ZPLD1: variants seen among roughly 807,000 people sequenced by gnomAD.
ZPLD1 encodes the protein zona pellucida like domain containing 1, also known as zona pellucida-like domain-containing protein 1.
ZPLD1 carries 34 observed loss-of-function variants against 47.2 expected under a neutral mutation model. The observed-to-expected ratio is 0.72, with a 90% CI of 0.55 to 0.96. The LOEUF (loss-of-function observed/expected upper bound fraction) is 0.96. ZPLD1 is among the 40% of genes least tolerant of loss of function. The pLI is 0.00. For synonymous variants in ZPLD1, 176 were observed against 186.2 expected (o/e 0.95, Z 0.45); for missense variants, 512 against 505.8 (o/e 1.01, Z -0.12).
At chr3:102,441,095 C>A (rs1576149214) in intron 3 of ZPLD1, among the ~76,000 whole-genome samples, 1 of 152,040 alleles carries the variant, frequency 6.6e-6, no homozygotes, top group African/African-American at 2.4e-5. Context: ...TCGCTGGCGG[C>A]CTGGGAAGGG....
rs535210093 is a variant in ZPLD1, at chr3:102,418,749, T to C, written c.-9+542T>C. On this transcript the variant is annotated intron_variant, in intron 8 of 17. Transcript: ENST00000491959. Reference sequence around the variant, plus strand: ...TGTGTGGCATCATCTCTAATTACAATGATGATATGATAATTGAAAATAATT... The same window carrying C: ...TGTGTGGCATCATCTCTAATTACAACGATGATATGATAATTGAAAATAATT... Among the ~76,000 whole-genome samples, 61 of 152,124 alleles carry C rather than the reference T, an allele frequency of 4.0e-4. No homozygotes were observed. In the South Asian group the frequency reaches 0.012, roughly 31 times the overall value.
rs143962903 is a variant in ZPLD1 at position 102,423,461 on chromosome 3, G to A, written c.-9+5254G>A. Among the ~76,000 whole-genome samples, 74 of 152,024 alleles carry A rather than the reference G, an allele frequency of 4.9e-4. 3 individuals carry two copies. In the East Asian group the frequency reaches 0.013, roughly 27 times the overall value. ...AGTAATTCAAATTAGCAGTTAGGAT[G>A]CAGACCATTATATTATCTTAACTCA... On this transcript the variant is annotated intron_variant, in intron 8 of 17. Transcript: ENST00000491959.
At chr3:102,400,426 A>G (rs1036360727) in intron 7 of ZPLD1, among the ~76,000 whole-genome samples, 5 of 152,004 alleles carry the variant, frequency 3.3e-5, no homozygotes, top group Non-Finnish European at 7.4e-5. Context: ...CGCACATTGG[A>G]AAGTCTGAGC....
At chr3:102,464,946 G>A (rs1707568682) in intron 8 of ZPLD1, among the ~76,000 whole-genome samples, 1 of 152,126 alleles carries the variant, frequency 6.6e-6, no homozygotes, top group African/African-American at 2.4e-5. Flanking sequence ...TCAGCTCACT[G>A]CAGCTAATTG....
Position 102,452,961 on chromosome 3 carries a change from C to G in ZPLD1, c.149C>G (p.Thr50Arg), listed in dbSNP as rs551852767. ...GTCTATTGTGGAGTGCAGGCTATTA[C>G]GATGAAGATTAATTTTTGCACGGTA... Reference protein sequence around the residue: ...ISVYCGVQAITMKINFCTVLF... With the variant: ...ISVYCGVQAIRMKINFCTVLF... Residue 50 changes from threonine (T) to arginine (R), a missense_variant, in exon 4 of 12, where the codon ACG becomes AGG. Thr to Arg is a moderately conservative substitution (Grantham distance 71). Transcript: ENST00000466937. 1 of 1,614,032 alleles carries G rather than the reference C, an allele frequency of 6.2e-7. No homozygotes were observed. The highest frequency in any genetic ancestry group is 1.3e-5 in the African/African-American group (1 of 75,008).
intron 8 of ZPLD1, among the ~76,000 whole-genome samples, chr3:102,464,783 T>G (rs762769940): frequency 2.6e-5 from 4 of 152,208 alleles, no homozygotes; most frequent in Admixed American, 2.6e-4. Context: ...GACAGTGATA[T>G]AGAGTGAATG....
intron 7 of ZPLD1, among the ~76,000 whole-genome samples, chr3:102,410,106 C>A (rs2107298331): frequency 6.6e-6 from 1 of 151,766 alleles, no homozygotes; most frequent in East Asian, 2.0e-4. Context: ...CATATTTGAT[C>A]AATTGGAGAG....
intron 3 of ZPLD1, among the ~76,000 whole-genome samples, chr3:102,442,134 T>C (rs976586874): frequency 5.3e-5 from 8 of 152,202 alleles, no homozygotes; most frequent in Admixed American, 2.0e-4. Flanking sequence ...AAAGTACTTC[T>C]AATTACAAGT....
chr3:102,469,408 C>A (rs1191532008), intron 9 of ZPLD1, among the ~76,000 whole-genome samples: 3 of 152,078 alleles, frequency 2.0e-5, no homozygotes, highest in Non-Finnish European at 2.9e-5. Flanking sequence ...GAAATCAAGA[C>A]AAAAATCTTA....
At chr3:102,402,482 T>C (rs1706633235) in intron 7 of ZPLD1, among the ~76,000 whole-genome samples, 2 of 152,040 alleles carry the variant, frequency 1.3e-5, no homozygotes, top group Non-Finnish European at 2.9e-5. Flanking sequence ...GTACAGAGTA[T>C]TTTTAATCTG....
At chr3:102,401,221 T>G (rs1167924648) in intron 7 of ZPLD1, among the ~76,000 whole-genome samples, 1 of 152,060 alleles carries the variant, frequency 6.6e-6, no homozygotes, top group Admixed American at 6.6e-5. Flanking sequence ...CAGAGAGATC[T>G]CTTTCTCTCT....
rs1224691188 is a variant in ZPLD1 at position 102,386,287 on chromosome 3, CTTTT to C, written c.-213+984_-213+987del. 3.2e-5 allele frequency among the ~76,000 whole-genome samples: 4 copies of C among 125,974 alleles called. No individual in the cohort carries two copies. In the East Asian group the frequency reaches 7.0e-4, roughly 22 times the overall value. The allele number at this position is 125,974 out of a possible 152,430, so 82.6% of individuals were successfully genotyped here. On this transcript the variant is annotated intron_variant, in intron 6 of 17. Transcript: ENST00000491959. ...CCCAGAAAATTGATGTAAGTGGGGT[CTTTT>C]TTTTTTTTTTTTTCCAAATACAGGT...
At chr3:102,415,124 C>T (rs917333326) in intron 7 of ZPLD1, among the ~76,000 whole-genome samples, 1 of 151,812 alleles carries the variant, frequency 6.6e-6, no homozygotes, top group Non-Finnish European at 1.5e-5. Flanking sequence ...AATTCGTCTA[C>T]AATGCTATGT....
intron 8 of ZPLD1, among the ~76,000 whole-genome samples, chr3:102,427,508 G>A (rs1706962741): frequency 6.6e-6 from 1 of 152,156 alleles, no homozygotes; most frequent in Non-Finnish European, 1.5e-5. Context: ...GAATAGTAAA[G>A]CCTACATTCT....
chr3:102,470,626 T>C (rs929953877), intron 10 of ZPLD1, 124 bp downstream of exon 10: 2 of 693,088 alleles, frequency 2.9e-6, no homozygotes, highest in African/African-American at 1.8e-5. Context: ...CAAGATAAAC[T>C]ACTAAGCAAC....
chr3:102,473,378 A>G (rs1402117438), intron 10 of ZPLD1, among the ~76,000 whole-genome samples: 1 of 152,132 alleles, frequency 6.6e-6, no homozygotes, highest in Non-Finnish European at 1.5e-5. Context: ...TGTTAACACC[A>G]CAAAGAGCTA....
rs186672104 is a variant in ZPLD1, at chr3:102,440,761, A to G, written c.106+2168A>G. On this transcript the variant is annotated intron_variant, in intron 3 of 11. Transcript: ENST00000466937. ...AAAAAAAAAAAAAAAGAAAGGAGCA[A>G]CCTGAGCCAGGAATTGAAAGAAAAG... 2.0e-5 allele frequency among the ~76,000 whole-genome samples: 3 copies of G among 151,736 alleles called. No individual in the cohort carries two copies. In the East Asian group the frequency reaches 5.8e-4, roughly 29 times the overall value.
At chr3:102,406,250 C>T (rs1025333879) in intron 7 of ZPLD1, among the ~76,000 whole-genome samples, 1 of 152,024 alleles carries the variant, frequency 6.6e-6, no homozygotes, top group Middle Eastern at 3.4e-3. Flanking sequence ...TCCTTCTTCA[C>T]TATAGAAATA....
At chr3:102,414,449 G>T (rs539285422) in intron 7 of ZPLD1, among the ~76,000 whole-genome samples, 1 of 151,652 alleles carries the variant, frequency 6.6e-6, no homozygotes, top group Non-Finnish European at 1.5e-5. Context: ...CAGTAATTGC[G>T]CTTTAATAGC....
Sources: gnomAD v4.1 joint callset for allele counts (sites outside exome capture counted in the v4.1 genomes callset) on GRCh38, gnomAD v4.1.1 for gene constraint, MANE v1.5 for transcripts, NCBI Gene and HGNC (gene_info 2026-07-23, HGNC 2026-07-21) for gene names.